The following SLC7A14 variants were observed in gnomAD, a reference collection of about 807,000 sequenced individuals.
SLC7A14 encodes the protein gamma-aminobutyric acid transporter SLC7A14.
A neutral mutation model predicts 60.2 loss-of-function variants in SLC7A14; 37 were observed. The ratio of observed to expected loss-of-function variants is 0.61; its 90% CI spans 0.47 to 0.81. The LOEUF is 0.81. SLC7A14 is among the 30% of genes least tolerant of loss of function. The pLI is 0.00. For synonymous variants in SLC7A14, 399 were observed against 395.8 expected (o/e 1.01, Z -0.10); for missense variants, 886 against 982.7 (o/e 0.90, Z 1.32).
At chr3:170,485,584 C>A (rs1205881751) in intron 5 of SLC7A14, among the ~76,000 whole-genome samples, 1 of 152,102 alleles carries the variant, frequency 6.6e-6, no homozygotes, top group Admixed American at 6.5e-5. Flanking sequence ...CGAGAGCAAG[C>A]ATCAGAGCAT....
chr3:170,558,212 A>G (rs915234126), intron 1 of SLC7A14, among the ~76,000 whole-genome samples: 5 of 152,256 alleles, frequency 3.3e-5, no homozygotes, highest in East Asian at 1.9e-4. Flanking sequence ...TACTAAAAAT[A>G]CAAAAATTAG....
At chr3:170,469,770 C>T (rs1264494724) in intron 7 of SLC7A14, among the ~76,000 whole-genome samples, 1 of 152,094 alleles carries the variant, frequency 6.6e-6, no homozygotes, top group Non-Finnish European at 1.5e-5. Context: ...TATGCCAATT[C>T]TTTCCTTTCT....
At chr3:170,486,146 C>G in intron 5 of SLC7A14, 76 bp downstream of exon 5, 1 of 1,544,996 alleles carries the variant, frequency 6.5e-7, no homozygotes, top group Non-Finnish European at 8.8e-7. Flanking sequence ...TAGGAAAGGA[C>G]TCCTTCCTGA....
intron 1 of SLC7A14, among the ~76,000 whole-genome samples, chr3:170,570,635 G>C (rs970828134): frequency 2.0e-5 from 3 of 152,068 alleles, no homozygotes; most frequent in African/African-American, 7.2e-5. Flanking sequence ...AACTGAGAAA[G>C]AGACAACTAT....
chr3:170,542,843 C>T (rs144259879), intron 1 of SLC7A14, among the ~76,000 whole-genome samples: 144 of 152,264 alleles, frequency 9.5e-4, no homozygotes, highest in South Asian at 1.9e-3. Context: ...CAGTCCTTAA[C>T]GTGGTTTCTA....
intron 7 of SLC7A14, among the ~76,000 whole-genome samples, chr3:170,471,989 G>A (rs1739922981): frequency 1.3e-5 from 2 of 152,100 alleles, no homozygotes; most frequent in African/African-American, 4.8e-5. Context: ...TGTGGGGCTG[G>A]AATTATTTTT....
intron 1 of SLC7A14, among the ~76,000 whole-genome samples, chr3:170,549,470 T>A (rs904064314): frequency 6.6e-6 from 1 of 152,122 alleles, no homozygotes; most frequent in Admixed American, 6.6e-5. Context: ...CGCCTCGGCC[T>A]CCCAAAGTGC....
chr3:170,488,224 T>A (rs1030994727), intron 4 of SLC7A14, among the ~76,000 whole-genome samples: 14 of 152,188 alleles, frequency 9.2e-5, no homozygotes, highest in African/African-American at 3.4e-4. Context: ...CAAGAAAATT[T>A]AAAAACTCCT....
chr3:170,548,462 T>A (rs753743755), intron 1 of SLC7A14, among the ~76,000 whole-genome samples: 112 of 152,356 alleles, frequency 7.4e-4, no homozygotes, highest in Non-Finnish European at 1.4e-3. Flanking sequence ...CTACCTGTGC[T>A]GCAGTTGGTT....
intron 1 of SLC7A14, among the ~76,000 whole-genome samples, chr3:170,566,069 C>T (rs570866731): frequency 6.6e-6 from 1 of 152,204 alleles, no homozygotes; most frequent in Non-Finnish European, 1.5e-5. Context: ...GCCCTTCTGT[C>T]TTATAGAAGA....
At chr3:170,558,105 T>A (rs1226441043) in intron 1 of SLC7A14, among the ~76,000 whole-genome samples, 1 of 152,146 alleles carries the variant, frequency 6.6e-6, no homozygotes, top group Non-Finnish European at 1.5e-5. Flanking sequence ...TGGTGGCTCA[T>A]GCCTGTAATC....
chr3:170,471,613 C>T (rs965627514), intron 7 of SLC7A14, among the ~76,000 whole-genome samples: 1 of 152,156 alleles, frequency 6.6e-6, no homozygotes, highest in Admixed American at 6.5e-5. Flanking sequence ...ACACGTATTC[C>T]TATGATGCCA....
rs754234019 is a variant in SLC7A14, at chr3:170,486,238, A to G, written c.890T>C (p.Leu297Pro). 1 of 1,614,186 alleles carries G rather than the reference A, an allele frequency of 6.2e-7. No individual in the cohort carries two copies. Among genetic ancestry groups the G allele is most frequent in the South Asian group, 1.1e-5 (1 of 91,076 alleles). ...GGTACTTACAGACACATATGCTGTC[A>G]GGCAGATGACCAGGGAGGCAGTGAT... ...YAITASLVICLTAYVSVSVIL... is the reference protein window; with the variant it reads ...YAITASLVICPTAYVSVSVIL... Residue 297 changes from leucine (L) to proline (P), a missense_variant, in exon 5 of 8, where the codon CTG becomes CCG. By Grantham distance (98) the Leu-to-Pro change is moderately conservative. Coordinates refer to ENST00000231706, the MANE Select transcript of SLC7A14 (RefSeq NM_020949.3).
chr3:170,536,451 A>G (rs563045668), intron 1 of SLC7A14, among the ~76,000 whole-genome samples: 50 of 152,372 alleles, frequency 3.3e-4, no homozygotes, highest in African/African-American at 1.2e-3. Flanking sequence ...TAGTTAGAAC[A>G]TATTTCCCAA....
At chr3:170,569,489 C>G (rs9754849) in intron 1 of SLC7A14, among the ~76,000 whole-genome samples, 4 of 150,838 alleles carry the variant, frequency 2.7e-5, no homozygotes, top group Non-Finnish European at 5.9e-5. Context: ...GGTTGTGTCT[C>G]TGCCAGGCTT....
At chr3:170,515,820 C>A (rs1227160274) in intron 2 of SLC7A14, among the ~76,000 whole-genome samples, 1 of 152,192 alleles carries the variant, frequency 6.6e-6, no homozygotes, top group Non-Finnish European at 1.5e-5. Flanking sequence ...TGGAATCAGA[C>A]CTCAGGTGTC....
At position 170,549,793 on chromosome 3, in the gene SLC7A14, G is replaced by C. The variant is rs530765217; in HGVS notation, c.-152-22705C>G. Among the ~76,000 whole-genome samples, 112 of 152,278 alleles carry C rather than the reference G, an allele frequency of 7.4e-4. 1 individual carries two copies. The highest frequency in any genetic ancestry group is 2.4e-3 in the Admixed American group (36 of 15,292). On this transcript the variant is annotated intron_variant, in intron 1 of 7. Coordinates refer to ENST00000231706, the MANE Select transcript of SLC7A14 (RefSeq NM_020949.3). ...ATAAGCAGGGGAGAAAACATATCTAGATCAATCAGCTAAAAATCACCTCTC... is the reference window on the plus strand; with the variant it reads ...ATAAGCAGGGGAGAAAACATATCTACATCAATCAGCTAAAAATCACCTCTC...
In SLC7A14 at chr3:170,480,821, T is replaced by C. The variant is rs202158470; in HGVS notation, c.1461A>G (p.Pro487=). The change falls in exon 7 of 8, where the codon CCA becomes CCG. Residue 487 remains proline, a synonymous_variant. Transcript: ENST00000231706. Reference sequence around the variant, plus strand: ...TGAGCATCTCATTGTCTCCCAAGGATGGTAAGTTCTTGGCCCCACATGTGT... The same window carrying C: ...TGAGCATCTCATTGTCTCCCAAGGACGGTAAGTTCTTGGCCCCACATGTGT... ...ATNTCGAKNL[P]SLGDNEMLIG... is the part of the protein sequence containing the mutation. 55 of 1,614,050 alleles carry C rather than the reference T, an allele frequency of 3.4e-5. No homozygotes were observed. Among genetic ancestry groups the C allele is most frequent in the Middle Eastern group, 1.6e-4 (1 of 6,084 alleles).
intron 1 of SLC7A14, among the ~76,000 whole-genome samples, chr3:170,531,915 G>A (rs151130897): frequency 5.3e-5 from 8 of 152,302 alleles, no homozygotes; most frequent in African/African-American, 1.2e-4. Context: ...ATAAAAGCAG[G>A]TTTGTTTCAG....
Sources: gnomAD v4.1 joint callset for allele counts (sites outside exome capture counted in the v4.1 genomes callset) on GRCh38, gnomAD v4.1.1 for gene constraint, MANE v1.5 for transcripts, NCBI Gene and HGNC (gene_info 2026-07-23, HGNC 2026-07-21) for gene names.